The following ANO6 variants were observed in gnomAD, a reference collection of about 807,000 sequenced individuals.
ANO6 encodes the protein anoctamin 6.
Under a neutral mutation model 117.5 loss-of-function variants are expected in ANO6, and 106 were observed. The observed-to-expected ratio is 0.90, with a 90% confidence interval of 0.77 to 1.06. ANO6 has a LOEUF of 1.06. ANO6 is among the 50% of genes least tolerant of loss of function. The probability of loss-of-function intolerance (pLI) is 0.00; values close to 1 mark genes in which losing one functional copy is unlikely to be tolerated. For synonymous variants in ANO6, 367 were observed against 385.1 expected (o/e 0.95, Z 0.55); for missense variants, 955 against 1,121.1 (o/e 0.85, Z 2.12).
chr12:45,292,809 G>A, intron 1 of ANO6: 1 of 1,508,432 alleles, frequency 6.6e-7, no homozygotes, highest in Non-Finnish European at 8.9e-7. Flanking sequence ...AAATATTGCT[G>A]TTTGTGGATG....
chr12:45,415,549 G>A (rs1943193430), intron 16 of ANO6, among the ~76,000 whole-genome samples: 1 of 152,250 alleles, frequency 6.6e-6, no homozygotes, highest in East Asian at 1.9e-4. Flanking sequence ...GGTTGGGTGA[G>A]TCATAGGGAA....
chr12:45,267,356 C>G (rs979405131), intron 1 of ANO6, among the ~76,000 whole-genome samples: 20 of 152,192 alleles, frequency 1.3e-4, no homozygotes, highest in Admixed American at 7.9e-4. Flanking sequence ...TTAGGGCACA[C>G]TCTCACACTC....
chr12:45,326,517 C>T (rs374139249), intron 2 of ANO6, among the ~76,000 whole-genome samples: 1 of 152,136 alleles, frequency 6.6e-6, no homozygotes, highest in Non-Finnish European at 1.5e-5. Context: ...GGTCAACAGG[C>T]TGGTGCCCTT....
intron 1 of ANO6, among the ~76,000 whole-genome samples, chr12:45,246,923 C>G (rs1279260017): frequency 6.6e-6 from 1 of 151,532 alleles, no homozygotes; most frequent in Non-Finnish European, 1.5e-5. Context: ...TGCCACCACG[C>G]GCGGCTCATT....
At chr12:45,357,552 C>A in intron 8 of ANO6, 128 bp downstream of exon 8, 1 of 1,221,220 alleles carries the variant, frequency 8.2e-7, no homozygotes, top group South Asian at 1.3e-5. Context: ...GATGATATAT[C>A]CCTTTTGTTC....
At chr12:45,436,844 C>T (rs976561954), downstream of ANO6, among the ~76,000 whole-genome samples, 1 of 152,072 alleles carries the variant, frequency 6.6e-6, no homozygotes, top group Non-Finnish European at 1.5e-5. Context: ...TGGCAGGCAC[C>T]TGTAATCTCG....
chr12:45,417,006 G>A (rs1943230814), intron 17 of ANO6, 102 bp downstream of exon 17: 1 of 1,146,446 alleles, frequency 8.7e-7, no homozygotes, highest in Non-Finnish European at 1.3e-6. Context: ...AGAGGAAGAT[G>A]CTAAGTCTGT....
intron 2 of ANO6, among the ~76,000 whole-genome samples, chr12:45,325,000 G>A (rs1565691470): frequency 6.6e-6 from 1 of 152,122 alleles, no homozygotes; most frequent in Non-Finnish European, 1.5e-5. Context: ...CAGTTTTGTG[G>A]TCTAAGAACC....
chr12:45,292,508 G>A (rs1258500608), intron 1 of ANO6, among the ~76,000 whole-genome samples: 2 of 152,164 alleles, frequency 1.3e-5, no homozygotes, highest in African/African-American at 4.8e-5. Flanking sequence ...TTTTAAGATG[G>A]TAAGAGAACT....
intron 1 of ANO6, among the ~76,000 whole-genome samples, chr12:45,280,879 T>TATAG (rs149737040): frequency 0.53 from 78,969 of 149,722 alleles, 22,340 homozygotes; most frequent in Non-Finnish European, 0.63. Context: ...TATATATATA[T>TATAG]AGAGAGAGAG....
chr12:45,244,368 C>T (rs1040632514), intron 1 of ANO6, among the ~76,000 whole-genome samples: 2 of 146,898 alleles, frequency 1.4e-5, no homozygotes, highest in Admixed American at 1.4e-4. Context: ...TTTCTTACTG[C>T]CCAAGCAGCG....
chr12:45,330,470 C>G (rs1320283014), intron 2 of ANO6, among the ~76,000 whole-genome samples: 3 of 152,038 alleles, frequency 2.0e-5, no homozygotes, highest in African/African-American at 7.2e-5. Context: ...CGATTCTTAA[C>G]AAAATTAACA....
At position 45,321,216 on chromosome 12, in the gene ANO6, C is replaced by T. The variant is rs563952097; in HGVS notation, c.151-10079C>T. Among the ~76,000 whole-genome samples the T allele has an allele frequency of 1.1e-4, 16 of 152,258 alleles. No individual in the cohort carries two copies. The East Asian group carries it at 2.9e-3, about 28-fold the overall frequency. On this transcript the variant is annotated intron_variant, in intron 2 of 19. Coordinates refer to ENST00000320560, the MANE Select transcript of ANO6 (RefSeq NM_001025356.3). ...AGTAAAAGGAAGCGTATTTTAAAGCCTTTTCAGATAATTGTGGATGTTCTT... is the reference window on the plus strand; with the variant it reads ...AGTAAAAGGAAGCGTATTTTAAAGCTTTTTCAGATAATTGTGGATGTTCTT...
chr12:45,439,623 A>G, intron 19 of ANO6: 1 of 1,304,026 alleles, frequency 7.7e-7, no homozygotes, highest in South Asian at 2.2e-5. Flanking sequence ...TAATTACCAG[A>G]GTATTCAAGA....
chr12:45,417,063 G>A (rs1220306471), intron 17 of ANO6, among the ~76,000 whole-genome samples, 159 bp downstream of exon 17: 4 of 152,110 alleles, frequency 2.6e-5, no homozygotes, highest in Admixed American at 1.3e-4. Flanking sequence ...CTTGTTAAAT[G>A]TATTTTCATT....
chr12:45,331,257 A>C (rs1360255772), intron 2 of ANO6, 38 bp from the exon 3 acceptor site: 2 of 1,563,230 alleles, frequency 1.3e-6, no homozygotes, highest in East Asian at 2.3e-5. Context: ...TTTTTTCAAA[A>C]AATTATATAT....
At chr12:45,248,428 CTTTTTTT>C (rs35185612) in intron 1 of ANO6, among the ~76,000 whole-genome samples, 1 of 120,860 alleles carries the variant, frequency 8.3e-6, no homozygotes. Context: ...AAAAAGTAGA[CTTTTTTT>C]TTTTTTTTTT....
intron 12 of ANO6, among the ~76,000 whole-genome samples, chr12:45,398,142 T>A (rs1282336014): frequency 6.6e-6 from 1 of 152,172 alleles, no homozygotes; most frequent in African/African-American, 2.4e-5. Context: ...ATATATTTGT[T>A]AACAATAGGG....
intron 3 of ANO6, among the ~76,000 whole-genome samples, chr12:45,340,397 G>A (rs1940947464): frequency 6.6e-6 from 1 of 152,034 alleles, no homozygotes; most frequent in Non-Finnish European, 1.5e-5. Context: ...AGTCACTTTG[G>A]CTTTACTAGA....
Sources: gnomAD v4.1 joint callset for allele counts (sites outside exome capture counted in the v4.1 genomes callset) on GRCh38, gnomAD v4.1.1 for gene constraint, MANE v1.5 for transcripts, NCBI Gene and HGNC (gene_info 2026-07-23, HGNC 2026-07-21) for gene names.